The following CCDC171 variants were observed in gnomAD, a reference collection of about 807,000 sequenced individuals.
CCDC171 encodes coiled-coil domain-containing protein 171.
A neutral mutation model predicts 168.2 loss-of-function variants in CCDC171; 177 were observed. The observed-to-expected ratio is 1.05, with a 90% CI of 0.93 to 1.19. The LOEUF is 1.19. Among genes scored for constraint, CCDC171 ranks in the 50% most tolerant of loss-of-function variants. The probability of loss-of-function intolerance (pLI) is 0.00; values close to 1 mark genes in which losing one functional copy is unlikely to be tolerated. For missense variants in CCDC171, 1,991 were observed against 1,539.0 expected, an observed-to-expected ratio of 1.29 and a Z score of -4.91; for synonymous variants, 687 against 540.8, an observed-to-expected ratio of 1.27 and a Z score of -3.75.
At chr9:15,703,409 C>T (rs369571197) in intron 11 of CCDC171, among the ~76,000 whole-genome samples, 2 of 152,204 alleles carry the variant, frequency 1.3e-5, no homozygotes, top group African/African-American at 4.8e-5. Context: ...TATCTCTCTT[C>T]ATTACCACCC....
intron 22 of CCDC171, 75 bp from the exon 23 acceptor site, chr9:15,848,818 T>C: frequency 1.4e-6 from 1 of 730,062 alleles, no homozygotes; most frequent in Non-Finnish European, 2.3e-6. Flanking sequence ...TTAATACCAG[T>C]GACTTATACT....
At chr9:15,931,441 T>C (rs1326054179) in intron 25 of CCDC171, among the ~76,000 whole-genome samples, 1 of 138,312 alleles carries the variant, frequency 7.2e-6, no homozygotes, top group East Asian at 2.1e-4. Context: ...GGGGTCTTTC[T>C]TTCTTTCTTT....
chr9:15,871,714 T>G (rs2062046247), intron 23 of CCDC171, among the ~76,000 whole-genome samples: 1 of 151,968 alleles, frequency 6.6e-6, no homozygotes. Flanking sequence ...CTTACTGTTC[T>G]GTGTTGAATC....
In CCDC171 at chr9:15,658,785, C is replaced by T. The variant is rs140975177; in HGVS notation, c.915+1566C>T. On this transcript the variant is annotated intron_variant, in intron 8 of 25. Coordinates refer to ENST00000380701, the MANE Select transcript of CCDC171 (RefSeq NM_173550.4). ...CTAGAGTCTCCAGAAGGAATGGAGTCTTGCTGACACGTGACTTTAGCCCCA... is the reference window on the plus strand; with the variant it reads ...CTAGAGTCTCCAGAAGGAATGGAGTTTTGCTGACACGTGACTTTAGCCCCA... Among the ~76,000 whole-genome samples the T allele has an allele frequency of 1.7e-3, 266 of 152,254 alleles. 2 individuals are homozygous for T. Among genetic ancestry groups the T allele is most frequent in the African/African-American group, 6.0e-3 (249 of 41,532 alleles).
the CCDC171 span, among the ~76,000 whole-genome samples, chr9:16,066,741 T>C: frequency 6.6e-6 from 1 of 150,678 alleles, no homozygotes; most frequent in East Asian, 1.9e-4. Context: ...GATAGTTTAC[T>C]GAGAATGATG....
intron 10 of CCDC171, among the ~76,000 whole-genome samples, chr9:15,682,259 C>A (rs906999841): frequency 6.6e-6 from 1 of 152,090 alleles, no homozygotes; most frequent in South Asian, 2.1e-4. Flanking sequence ...GATACAGCAG[C>A]AGAGCTGTTA....
rs2059663754 is a variant in CCDC171 at position 15,819,014 on chromosome 9, C to A, written c.3268-27688C>A. Among the ~76,000 whole-genome samples, 2 of 116,618 alleles carry A rather than the reference C, an allele frequency of 1.7e-5. 1 individual carries two copies. Among genetic ancestry groups the A allele is most frequent in the African/African-American group, 6.5e-5 (2 of 30,946 alleles). 76.5% of individuals were successfully genotyped at this position (116,618 alleles called of 152,430 possible). On this transcript the variant is annotated intron_variant, in intron 21 of 25. Coordinates refer to ENST00000380701, the MANE Select transcript of CCDC171 (RefSeq NM_173550.4). ...GATCTCTCGGCAGAAACTCTACAAG[C>A]CAGAAGAGAGTGGGGGCCAATATTC...
intron 24 of CCDC171, among the ~76,000 whole-genome samples, chr9:15,897,655 G>C (rs1327753001): frequency 6.6e-6 from 1 of 152,080 alleles, no homozygotes; most frequent in Admixed American, 6.6e-5. Context: ...AAATTCAAAA[G>C]GGGTTTGCTT....
chr9:15,983,157 T>A (rs1325866770), intron 3 of CCDC171, among the ~76,000 whole-genome samples: 3 of 152,144 alleles, frequency 2.0e-5, no homozygotes, highest in Non-Finnish European at 4.4e-5. Context: ...CTTCTCCAGA[T>A]CTTTTCAGAA....
chr9:16,089,347 A>G, the CCDC171 span, among the ~76,000 whole-genome samples: 1 of 151,984 alleles, frequency 6.6e-6, no homozygotes, highest in Non-Finnish European at 1.5e-5. Flanking sequence ...CTCTGATGGT[A>G]GTTTCTTTTG....
the CCDC171 span, among the ~76,000 whole-genome samples, chr9:16,086,219 A>G: frequency 2.6e-5 from 4 of 152,182 alleles, no homozygotes; most frequent in East Asian, 7.7e-4. Flanking sequence ...CATTTCGTCT[A>G]GATTTTCTAG....
intron 16 of CCDC171, among the ~76,000 whole-genome samples, chr9:15,735,550 A>G (rs1003332265): frequency 1.3e-5 from 2 of 152,094 alleles, no homozygotes; most frequent in Non-Finnish European, 1.5e-5. Flanking sequence ...GGAGAACAAA[A>G]CTCAGGGAGA....
In CCDC171 at chr9:15,831,095, GAAT is replaced by G. The variant is rs577451839; in HGVS notation, c.3268-15605_3268-15603del. On this transcript the variant is annotated intron_variant, in intron 21 of 25. Coordinates refer to ENST00000380701, the MANE Select transcript of CCDC171 (RefSeq NM_173550.4). ...CACCATTCTCCTGCCTCAGCCTCCTGAATAGCTGGGACTACAGGTGCCCACCAC... is the reference window on the plus strand; with the variant it reads ...CACCATTCTCCTGCCTCAGCCTCCTGAGCTGGGACTACAGGTGCCCACCAC... Among the ~76,000 whole-genome samples the G allele has an allele frequency of 3.4e-3, 506 of 150,480 alleles. 6 individuals carry two copies. Among genetic ancestry groups the G allele is most frequent in the East Asian group, 0.017 (88 of 5,084 alleles).
intron 22 of CCDC171, among the ~76,000 whole-genome samples, chr9:15,848,492 C>A (rs1229417996): frequency 6.6e-6 from 1 of 151,808 alleles, no homozygotes; most frequent in African/African-American, 2.4e-5. Flanking sequence ...ATATCCCCAT[C>A]ACTAAGATTT....
intron 18 of CCDC171, among the ~76,000 whole-genome samples, chr9:15,753,438 A>G (rs192132999): frequency 2.3e-4 from 35 of 152,322 alleles, no homozygotes; most frequent in African/African-American, 8.4e-4. Context: ...GATATTTTCC[A>G]TTATTCATAT....
rs2042169773 is a variant in CCDC171, at chr9:15,594,057, A to G, written c.560A>G (p.His187Arg). The G allele has an allele frequency of 1.9e-6, 3 of 1,590,698 alleles. No homozygotes were observed. Among genetic ancestry groups the G allele is most frequent in the Non-Finnish European group, 2.6e-6 (3 of 1,167,690 alleles). Reference sequence around the variant, plus strand: ...TATATAAAGGAAGCGTTGGAAAAACATCAACGGGAGAAGAATGAGATGGAG... The same window carrying G: ...TATATAAAGGAAGCGTTGGAAAAACGTCAACGGGAGAAGAATGAGATGGAG... ...EKTLQEALEK[H>R]QREKNEMESH... The change falls in exon 6 of 26, where the codon CAT (histidine) becomes CGT (arginine). Residue 187 changes from histidine to arginine, a missense_variant. By Grantham distance (29) the His-to-Arg change is conservative (BLOSUM62 0). Transcript: ENST00000380701.
chr9:15,868,946 G>A (rs1429556147), intron 23 of CCDC171, among the ~76,000 whole-genome samples: 1 of 151,910 alleles, frequency 6.6e-6, no homozygotes, highest in Non-Finnish European at 1.5e-5. Flanking sequence ...TGTAGTATTT[G>A]CATATAATCT....
intron 23 of CCDC171, among the ~76,000 whole-genome samples, chr9:15,862,750 C>T (rs939579350): frequency 2.6e-5 from 4 of 151,996 alleles, no homozygotes; most frequent in South Asian, 2.1e-4. Flanking sequence ...CTGTGTTAGT[C>T]CAAACTGTCA....
intron 6 of CCDC171, among the ~76,000 whole-genome samples, chr9:16,025,978 A>G (rs767307103): frequency 1.3e-5 from 2 of 152,246 alleles, no homozygotes; most frequent in African/African-American, 2.4e-5. Context: ...TTAAAAAACA[A>G]GACAGTCCCA....
Sources: allele counts gnomAD v4.1 joint callset (sites outside exome capture counted in the v4.1 genomes callset), GRCh38; gene constraint gnomAD v4.1.1; transcripts MANE v1.5; gene names NCBI Gene and HGNC (gene_info 2026-07-23, HGNC 2026-07-21).